Variants in TBC1D22A observed in about 807,000 individuals in gnomAD.
TBC1D22A encodes the protein putative GTPase activator.
TBC1D22A carries 38 observed loss-of-function variants against 60.2 expected under a neutral mutation model. The observed-to-expected ratio is 0.63, with a 90% CI of 0.49 to 0.83. The LOEUF is 0.83. TBC1D22A is among the 40% of genes least tolerant of loss of function. The probability of loss-of-function intolerance (pLI) is 0.00; values close to 1 mark genes in which losing one functional copy is unlikely to be tolerated. For missense variants in TBC1D22A, 628 were observed against 701.0 expected (o/e 0.90, Z 1.18); for synonymous variants, 302 against 281.7 (o/e 1.07, Z -0.72).
chr22:47,075,534 C>T (rs973442592), intron 11 of TBC1D22A, among the ~76,000 whole-genome samples: 1 of 151,960 alleles, frequency 6.6e-6, no homozygotes, highest in Non-Finnish European at 1.5e-5. Context: ...AAAGGGTGAC[C>T]ACTATAAATG....
intron 10 of TBC1D22A, among the ~76,000 whole-genome samples, chr22:47,026,581 C>T (rs1193082421): frequency 4.0e-5 from 6 of 151,880 alleles, no homozygotes; most frequent in Non-Finnish European, 5.9e-5. Context: ...GATCTACATA[C>T]AAAAATAAAC....
intron 4 of TBC1D22A, among the ~76,000 whole-genome samples, chr22:46,803,261 G>A (rs2084976300): frequency 6.6e-6 from 1 of 152,176 alleles, no homozygotes; most frequent in African/African-American, 2.4e-5. Flanking sequence ...ACAGGCGGCT[G>A]CCCTCCAGCC....
chr22:46,958,498 G>A (rs1370164966), intron 8 of TBC1D22A, among the ~76,000 whole-genome samples: 2 of 152,228 alleles, frequency 1.3e-5, no homozygotes, highest in Admixed American at 6.5e-5. Context: ...CCGTCTCACC[G>A]TTGGAGAGCT....
At chr22:47,122,029 A>G (rs2066288925) in intron 12 of TBC1D22A, among the ~76,000 whole-genome samples, 1 of 152,248 alleles carries the variant, frequency 6.6e-6, no homozygotes, top group Non-Finnish European at 1.5e-5. Context: ...GTGCAAACAC[A>G]TCACTCAACA....
chr22:47,090,810 G>A (rs1349081096), intron 11 of TBC1D22A, among the ~76,000 whole-genome samples: 1 of 149,108 alleles, frequency 6.7e-6, no homozygotes, highest in Admixed American at 6.7e-5. Context: ...TCGCGGAGGG[G>A]GTGGCTGCTT....
chr22:46,770,150 G>A (rs1487089602), intron 1 of TBC1D22A, among the ~76,000 whole-genome samples: 1 of 152,234 alleles, frequency 6.6e-6, no homozygotes, highest in Non-Finnish European at 1.5e-5. Context: ...GAGACATGGT[G>A]TGGGATGGAC....
At chr22:47,163,785 TCCTG>T (rs1444615535) in intron 12 of TBC1D22A, among the ~76,000 whole-genome samples, 2 of 152,188 alleles carry the variant, frequency 1.3e-5, no homozygotes, top group Non-Finnish European at 2.9e-5. Context: ...AGCCACCCGG[TCCTG>T]ACACCTGCAC....
At chr22:47,080,858 C>G (rs1442831653) in intron 11 of TBC1D22A, among the ~76,000 whole-genome samples, 1 of 152,098 alleles carries the variant, frequency 6.6e-6, no homozygotes, top group Admixed American at 6.5e-5. Context: ...CATGGTGGCT[C>G]ACGCCTGTAA....
intron 7 of TBC1D22A, among the ~76,000 whole-genome samples, chr22:46,903,681 A>G (rs1393647287): frequency 5.9e-5 from 9 of 152,132 alleles, no homozygotes; most frequent in Non-Finnish European, 1.2e-4. Flanking sequence ...GCAGGGTAAG[A>G]AGCAGCACAC....
chr22:47,024,499 G>A (rs1050221436), intron 10 of TBC1D22A, among the ~76,000 whole-genome samples: 4 of 152,172 alleles, frequency 2.6e-5, no homozygotes, highest in African/African-American at 9.7e-5. Flanking sequence ...TGGGAGAGGA[G>A]AAAGCAACTC....
In TBC1D22A at chr22:46,797,455, G is replaced by A. The variant is rs1267287718; in HGVS notation, c.472G>A (p.Asp158Asn). 7 of 1,612,680 alleles carry A rather than the reference G, an allele frequency of 4.3e-6. No individual in the cohort carries two copies. The Admixed American group carries it at 1.0e-4, about 23-fold the overall frequency. ...TCTCACCCCTGCAGAAAGTGCCAGC[G>A]ATGCCGCCCCTCTGCAGAGGTCCCA... ...HTSCPAESASDAAPLQRSQSL... is the reference protein window; with the variant it reads ...HTSCPAESASNAAPLQRSQSL... The change falls in exon 4 of 13, where the codon GAT (aspartate) becomes AAT (asparagine). Residue 158 changes from aspartate to asparagine, a missense_variant. Transcript: ENST00000337137.
At chr22:47,053,466 G>A (rs545362751) in intron 11 of TBC1D22A, among the ~76,000 whole-genome samples, 3 of 152,308 alleles carry the variant, frequency 2.0e-5, no homozygotes, top group Non-Finnish European at 2.9e-5. Context: ...CTCGTCAGGC[G>A]CACTCAGAGG....
At chr22:47,036,632 CCCTGGACAAGATTGGGCCCCT>C (rs1417707063) in intron 10 of TBC1D22A, among the ~76,000 whole-genome samples, 17 of 152,316 alleles carry the variant, frequency 1.1e-4, no homozygotes, top group African/African-American at 4.1e-4. Context: ...TGGAGCATTT[CCCTGGACAAGATTGGGCCCCT>C]CCTGAGGAGC....
At chr22:46,950,980 G>A (rs747289761) in intron 8 of TBC1D22A, among the ~76,000 whole-genome samples, 1 of 152,106 alleles carries the variant, frequency 6.6e-6, no homozygotes, top group Non-Finnish European at 1.5e-5. Context: ...CCTGAAATAC[G>A]TGTGTGAGTC....
intron 4 of TBC1D22A, among the ~76,000 whole-genome samples, chr22:46,876,724 T>C (rs1178997696): frequency 1.3e-5 from 2 of 152,200 alleles, no homozygotes; most frequent in African/African-American, 4.8e-5. Flanking sequence ...GACTCAGCCT[T>C]TGGTGAGGTG....
intron 4 of TBC1D22A, among the ~76,000 whole-genome samples, chr22:46,798,904 A>C (rs2084778143): frequency 6.6e-6 from 1 of 152,232 alleles, no homozygotes; most frequent in Non-Finnish European, 1.5e-5. Flanking sequence ...GTTTCCGGGC[A>C]GAAGCAGCGG....
chr22:46,821,548 C>A (rs529324253), intron 4 of TBC1D22A, among the ~76,000 whole-genome samples: 47 of 152,248 alleles, frequency 3.1e-4, no homozygotes, highest in African/African-American at 1.1e-3. Context: ...GTTGAAAATT[C>A]TTTTCTTTAA....
chr22:46,849,520 G>A (rs1457764637), intron 4 of TBC1D22A, among the ~76,000 whole-genome samples: 2 of 152,168 alleles, frequency 1.3e-5, no homozygotes, highest in Non-Finnish European at 2.9e-5. Context: ...CAAGTCACCT[G>A]TCCTGGGCTG....
chr22:46,887,792 C>T (rs887080596), intron 5 of TBC1D22A, among the ~76,000 whole-genome samples: 1 of 152,014 alleles, frequency 6.6e-6, no homozygotes, highest in African/African-American at 2.4e-5. Context: ...TTGGGGTACA[C>T]CTTTATCTAA....
Sources: gnomAD v4.1 joint callset for allele counts (sites outside exome capture counted in the v4.1 genomes callset) on GRCh38, gnomAD v4.1.1 for gene constraint, MANE v1.5 for transcripts, NCBI Gene and HGNC (gene_info 2026-07-23, HGNC 2026-07-21) for gene names.